Variants in LDLRAD3 observed in about 807,000 individuals in gnomAD.
LDLRAD3 encodes low density lipoprotein receptor class A domain containing 3.
A neutral mutation model predicts 29.4 loss-of-function variants in LDLRAD3; 20 were observed. The observed-to-expected ratio is 0.68, with a 90% CI of 0.48 to 0.99. LDLRAD3 has a LOEUF of 0.99. Among genes scored for constraint, LDLRAD3 ranks in the 50% least tolerant of loss-of-function variants. The pLI, the probability that LDLRAD3 is intolerant of heterozygous loss-of-function variation, is 0.00. For synonymous variants in LDLRAD3, 157 were observed against 192.7 expected, an observed-to-expected ratio of 0.81 and a Z score of 1.53; for missense variants, 420 against 454.3, an observed-to-expected ratio of 0.92 and a Z score of 0.69.
chr11:36,149,433 A>G (rs1854243531), intron 4 of LDLRAD3, among the ~76,000 whole-genome samples: 1 of 152,228 alleles, frequency 6.6e-6, no homozygotes, highest in African/African-American at 2.4e-5. Flanking sequence ...TGCAGTCGCT[A>G]GAAAGGATAG....
At chr11:36,077,831 T>C (rs1278367220) in intron 2 of LDLRAD3, among the ~76,000 whole-genome samples, 2 of 152,154 alleles carry the variant, frequency 1.3e-5, no homozygotes, top group Non-Finnish European at 2.9e-5. Context: ...TGCTGCGACA[T>C]GGTGGGCAAA....
At chr11:36,036,330 C>G in intron 2 of LDLRAD3, 81 bp downstream of exon 2, 1 of 1,502,240 alleles carries the variant, frequency 6.7e-7, no homozygotes, top group Non-Finnish European at 9.1e-7. Flanking sequence ...AGGCTTAGAC[C>G]CTGCACACTC....
Position 36,229,328 on chromosome 11 carries a change from G to T in LDLRAD3, c.969G>T (p.Gln323His), listed in dbSNP as rs935730652. The change falls in exon 6 of 6, where the codon CAG (glutamine) becomes CAT (histidine). Residue 323 changes from glutamine to histidine, a missense_variant. This residue lies in a region of LDLRAD3 where 140 missense variants were observed against 139.9 expected (regional missense o/e 1.00). Coordinates refer to ENST00000315571, the MANE Select transcript of LDLRAD3 (RefSeq NM_174902.4). ...AAGACACCAGCCACAGCCCGGGGCA[G>T]CCTGGCCCCCAGGAGGGCACTGCTG... Reference protein sequence around the residue: ...SVEDTSHSPGQPGPQEGTAEP... With the variant: ...SVEDTSHSPGHPGPQEGTAEP... 2 of 1,614,008 alleles carry T rather than the reference G, an allele frequency of 1.2e-6. No homozygotes were observed. The highest frequency in any genetic ancestry group is 1.3e-5 in the African/African-American group (1 of 74,946).
At chr11:36,110,035 G>T (rs543224316) in intron 4 of LDLRAD3, 3 of 152,352 alleles carry the variant, frequency 2.0e-5, no homozygotes, top group African/African-American at 7.2e-5. Context: ...CAAAAATGCT[G>T]ACTCCATTCG....
At chr11:36,079,479 A>G (rs1002454900) in intron 2 of LDLRAD3, among the ~76,000 whole-genome samples, 1 of 152,178 alleles carries the variant, frequency 6.6e-6, no homozygotes, top group Admixed American at 6.5e-5. Context: ...ATCTCACTTA[A>G]TCTTTGCTAG....
At chr11:35,951,075 C>G (rs2942397) in intron 1 of LDLRAD3, among the ~76,000 whole-genome samples, 3,009 of 151,946 alleles carry the variant, frequency 0.02, 115 homozygotes, top group African/African-American at 0.068. Context: ...TAGTGAGACT[C>G]TGTCTCAAAA....
At chr11:35,997,445 T>C in intron 1 of LDLRAD3, 1 of 394,532 alleles carries the variant, frequency 2.5e-6, no homozygotes, top group Non-Finnish European at 4.9e-6. Flanking sequence ...GAAACCCTTC[T>C]GGCAGTGGCA....
Position 36,191,574 on chromosome 11 carries a change from CTCTA to C in LDLRAD3, c.455-35509_455-35506del, listed in dbSNP as rs1352053409. ...TCTCTCTCTCTCTCTCTCTCTCTCT[CTCTA>C]TATATATATATATATATATATACAC... On this transcript the variant is annotated intron_variant, in intron 4 of 5. Transcript: ENST00000315571. Among the ~76,000 whole-genome samples the C allele has an allele frequency of 4.3e-3, 293 of 67,816 alleles. 1 individual carries two copies. The highest frequency in any genetic ancestry group is 6.4e-3 in the Non-Finnish European group (235 of 36,542). The allele number at this position is 67,816 out of a possible 152,430, so 44.5% of individuals were successfully genotyped here. A position where few individuals can be genotyped will look rare whatever the true frequency, so the allele number is the denominator to read the frequency against.
At chr11:36,045,831 T>TAAG (rs1349473437) in intron 2 of LDLRAD3, among the ~76,000 whole-genome samples, 2 of 152,080 alleles carry the variant, frequency 1.3e-5, no homozygotes, top group African/African-American at 4.8e-5. Flanking sequence ...AGTTCTGGGA[T>TAAG]ACATGTGCAG....
chr11:36,018,259 T>C (rs566219829), intron 1 of LDLRAD3, among the ~76,000 whole-genome samples: 99 of 152,334 alleles, frequency 6.5e-4, no homozygotes, highest in African/African-American at 2.4e-3. Flanking sequence ...ATCATAAATT[T>C]GATGTTTGTT....
chr11:36,013,695 G>A (rs2133190384), intron 1 of LDLRAD3, among the ~76,000 whole-genome samples: 1 of 152,210 alleles, frequency 6.6e-6, no homozygotes, highest in Middle Eastern at 3.4e-3. Context: ...ATTTTCTTTA[G>A]GAGTGATGTC....
intron 4 of LDLRAD3, among the ~76,000 whole-genome samples, chr11:36,186,203 A>G (rs923623289): frequency 1.2e-4 from 18 of 152,204 alleles, no homozygotes; most frequent in African/African-American, 4.3e-4. Flanking sequence ...TTCCCCATCT[A>G]TGAAGTGGAA....
In LDLRAD3 at chr11:35,990,425, C is replaced by CT. The variant is rs377449415; in HGVS notation, c.47-45668dup. ...GCATAACTTCAATCTCTGCCTCCAT[C>CT]TTTTTTTTTTGAGATGGAATCTCGC... On this transcript the variant is annotated intron_variant, in intron 1 of 5. Coordinates refer to ENST00000315571, the MANE Select transcript of LDLRAD3 (RefSeq NM_174902.4). Among the ~76,000 whole-genome samples the CT allele has an allele frequency of 9.9e-3, 1,482 of 149,056 alleles. 23 individuals carry two copies. Among genetic ancestry groups the CT allele is most frequent in the South Asian group, 0.049 (230 of 4,696 alleles).
intron 4 of LDLRAD3, among the ~76,000 whole-genome samples, chr11:36,132,826 G>A (rs976395285): frequency 3.9e-5 from 6 of 152,190 alleles, no homozygotes; most frequent in Admixed American, 2.6e-4. Flanking sequence ...ATGCGGGGCC[G>A]TGTATACAGA....
At position 36,144,776 on chromosome 11, in the gene LDLRAD3, C is replaced by T. The variant is rs1280836552; in HGVS notation, c.454+46315C>T. 3.3e-3 allele frequency among the ~76,000 whole-genome samples: 430 copies of T among 130,366 alleles called. 1 individual carries two copies. Among genetic ancestry groups the T allele is most frequent in the Middle Eastern group, 4.1e-3 (1 of 244 alleles). 85.5% of individuals were successfully genotyped at this position (130,366 alleles called of 152,430 possible). A position where few individuals can be genotyped will look rare whatever the true frequency, so the allele number is the denominator to read the frequency against. ...GGGAGGTGGGGGTCAGCCCCCCGCC[C>T]GGCCAGCCGCCCCGTCCGGGAGGGA... On this transcript the variant is annotated intron_variant, in intron 4 of 5. Coordinates refer to ENST00000315571, the MANE Select transcript of LDLRAD3 (RefSeq NM_174902.4).
Position 36,089,412 on chromosome 11 carries a change from G to C in LDLRAD3, c.319+7634G>C, listed in dbSNP as rs916065261. On this transcript the variant is annotated intron_variant, in intron 3 of 5. Coordinates refer to ENST00000315571, the MANE Select transcript of LDLRAD3 (RefSeq NM_174902.4). ...GAGCCTGAACTTTTAACTATTATAT[G>C]AATGTGTATTCCCAATACATTTTTT... Among the ~76,000 whole-genome samples, 10 of 148,978 alleles carry C rather than the reference G, an allele frequency of 6.7e-5. 1 individual carries two copies. The South Asian group carries it at 2.2e-3, about 32-fold the overall frequency.
At position 36,070,283 on chromosome 11, in the gene LDLRAD3, A is replaced by G. The variant is rs796235569; in HGVS notation, c.194-11370A>G. Among the ~76,000 whole-genome samples the G allele has an allele frequency of 1.2e-4, 18 of 152,360 alleles. 1 individual carries two copies. The highest frequency in any genetic ancestry group is 4.3e-4 in the African/African-American group (18 of 41,582). Reference sequence around the variant, plus strand: ...AAATGTAAATCCTTACAAAGTAGACAGAACTGAGTAAGTTTCAAAGCTCTA... The same window carrying G: ...AAATGTAAATCCTTACAAAGTAGACGGAACTGAGTAAGTTTCAAAGCTCTA... On this transcript the variant is annotated intron_variant, in intron 2 of 5. Coordinates refer to ENST00000315571, the MANE Select transcript of LDLRAD3 (RefSeq NM_174902.4).
At chr11:36,216,609 G>C (rs1248591051) in intron 4 of LDLRAD3, among the ~76,000 whole-genome samples, 1 of 152,122 alleles carries the variant, frequency 6.6e-6, no homozygotes, top group African/African-American at 2.4e-5. Flanking sequence ...ACTTTTCCTA[G>C]TCCATACAGC....
At chr11:36,059,516 G>A (rs1469086208) in intron 2 of LDLRAD3, among the ~76,000 whole-genome samples, 2 of 151,628 alleles carry the variant, frequency 1.3e-5, no homozygotes, top group African/African-American at 4.8e-5. Context: ...CCATCCCTGG[G>A]CACTCTGCTT....
Sources: allele counts gnomAD v4.1 joint callset (sites outside exome capture counted in the v4.1 genomes callset), GRCh38; gene constraint gnomAD v4.1.1; regional missense constraint gnomAD v4.1.1; transcripts MANE v1.5; gene names NCBI Gene and HGNC (gene_info 2026-07-23, HGNC 2026-07-21).